Variants in RASGRF2 observed in about 807,000 individuals in gnomAD.
The protein encoded by RASGRF2 is ras-specific guanine nucleotide-releasing factor 2.
Under a neutral mutation model 151.0 loss-of-function variants are expected in RASGRF2, and 76 were observed. The ratio of observed to expected loss-of-function variants is 0.50; its 90% CI spans 0.42 to 0.61. The LOEUF is 0.61. Ranked by LOEUF, RASGRF2 falls within the 20% of genes least tolerant of loss-of-function variation. The pLI is 0.00. For missense variants in RASGRF2, 1,148 were observed against 1,564.6 expected (o/e 0.73, Z 4.49); for synonymous variants, 504 against 566.5 (o/e 0.89, Z 1.57).
chr5:81,216,027 C>T (rs1755727075), intron 24 of RASGRF2, 72 bp downstream of exon 24: 1 of 1,283,792 alleles, frequency 7.8e-7, no homozygotes, highest in Non-Finnish European at 1.0e-6. Flanking sequence ...AGTATACAAA[C>T]AGTGACCTAC....
rs193277847 is a variant in RASGRF2, at chr5:80,962,395, T to C, written c.288+1369T>C. 3.0e-3 allele frequency among the ~76,000 whole-genome samples: 464 copies of C among 152,280 alleles called. 5 individuals carry two copies. Among genetic ancestry groups the C allele is most frequent in the African/African-American group, 9.8e-3 (409 of 41,566 alleles). On this transcript the variant is annotated intron_variant, in intron 1 of 26. Coordinates refer to ENST00000265080, the MANE Select transcript of RASGRF2 (RefSeq NM_006909.3). ...AGAAGAGTTTTGAGGAAACATTTTTTTTCAGGAATATATATAAGTAACATT... is the reference window on the plus strand; with the variant it reads ...AGAAGAGTTTTGAGGAAACATTTTTCTTCAGGAATATATATAAGTAACATT...
intron 1 of RASGRF2, among the ~76,000 whole-genome samples, chr5:80,978,104 TTATATTAAA>T (rs1424256932): frequency 1.3e-5 from 2 of 152,148 alleles, no homozygotes; most frequent in Non-Finnish European, 2.9e-5. Context: ...ACTGTGATAA[TTATATTAAA>T]TATATTAAAG....
chr5:81,019,023 C>G (rs1369734397), intron 1 of RASGRF2, among the ~76,000 whole-genome samples: 1 of 152,170 alleles, frequency 6.6e-6, no homozygotes, highest in Non-Finnish European at 1.5e-5. Flanking sequence ...TGGTCTCAAA[C>G]TCCTGACCTG....
intron 17 of RASGRF2, among the ~76,000 whole-genome samples, chr5:81,157,094 G>A (rs1009890383): frequency 2.0e-5 from 3 of 151,956 alleles, no homozygotes; most frequent in Non-Finnish European, 4.4e-5. Context: ...GGCTGGGCGC[G>A]GTGGCTCACA....
intron 17 of RASGRF2, among the ~76,000 whole-genome samples, chr5:81,175,353 A>T (rs780038352): frequency 6.6e-6 from 1 of 152,230 alleles, no homozygotes; most frequent in African/African-American, 2.4e-5. Flanking sequence ...AATCTTAATG[A>T]TCTTTCCATA....
rs182113671 is a variant in RASGRF2 at position 81,136,139 on chromosome 5, G to A, written c.2686+8976G>A. 1.7e-3 allele frequency among the ~76,000 whole-genome samples: 258 copies of A among 152,188 alleles called. 2 individuals are homozygous for A. The highest frequency in any genetic ancestry group is 2.7e-3 in the Non-Finnish European group (183 of 67,988). On this transcript the variant is annotated intron_variant, in intron 17 of 26. Coordinates refer to ENST00000265080, the MANE Select transcript of RASGRF2 (RefSeq NM_006909.3). Reference sequence around the variant, plus strand: ...GCAATTCTGCCTGCCTCAGCCTCCCGACTATTATTACTTTAAGCAAAGTTA... The same window carrying A: ...GCAATTCTGCCTGCCTCAGCCTCCCAACTATTATTACTTTAAGCAAAGTTA...
intron 1 of RASGRF2, among the ~76,000 whole-genome samples, chr5:81,025,641 G>C (rs1252356297): frequency 1.3e-5 from 2 of 152,144 alleles, no homozygotes; most frequent in African/African-American, 4.8e-5. Flanking sequence ...CTTGACACAT[G>C]GCCATTGGTT....
Position 81,228,137 on chromosome 5 carries a change from C to A in RASGRF2, c.*2367C>A. 6.6e-6 allele frequency: 1 copy of A among 152,450 alleles called. No homozygotes were observed. The highest frequency in any genetic ancestry group is 2.1e-4 in the South Asian group (1 of 4,822). 9.4% of individuals were successfully genotyped at this position (152,450 alleles called of 1,614,324 possible). Reference sequence around the variant, plus strand: ...GTCTCACCATGTTGCCCAGGCTGGTCTCGAACTCCTGGACTCAAGCAATCT... The same window carrying A: ...GTCTCACCATGTTGCCCAGGCTGGTATCGAACTCCTGGACTCAAGCAATCT... On this transcript the variant is annotated 3_prime_UTR_variant, in exon 27 of 27. Transcript: ENST00000265080.
In RASGRF2 at chr5:81,063,620, GA is replaced by G. The variant is rs1200984303; in HGVS notation, c.396-4411del. On this transcript the variant is annotated intron_variant, in intron 2 of 26. Coordinates refer to ENST00000265080, the MANE Select transcript of RASGRF2 (RefSeq NM_006909.3). Reference sequence around the variant, plus strand: ...TGGAACTCCCACAAGACAGATATTAGACTTCTTGGATCTATACTCTAGGTTA... The same window carrying G: ...TGGAACTCCCACAAGACAGATATTAGCTTCTTGGATCTATACTCTAGGTTA... Among the ~76,000 whole-genome samples the G allele has an allele frequency of 3.9e-5, 6 of 151,930 alleles. No homozygotes were observed. The East Asian group carries it at 1.2e-3, about 29-fold the overall frequency.
At chr5:81,206,615 C>T (rs377119148) in intron 19 of RASGRF2, among the ~76,000 whole-genome samples, 1 of 152,186 alleles carries the variant, frequency 6.6e-6, no homozygotes. Context: ...TTGTATGTAA[C>T]AGGTTGCCTT....
chr5:81,160,554 C>G (rs906023528), intron 17 of RASGRF2, among the ~76,000 whole-genome samples: 2 of 152,022 alleles, frequency 1.3e-5, no homozygotes, highest in Non-Finnish European at 2.9e-5. Context: ...CGCCTGTAAT[C>G]CCAGCTACTC....
intron 19 of RASGRF2, among the ~76,000 whole-genome samples, chr5:81,202,133 TG>T (rs1450209296): frequency 2.6e-5 from 4 of 152,134 alleles, no homozygotes; most frequent in African/African-American, 9.7e-5. Context: ...ATTTTTTTTT[TG>T]TCCACTCTAT....
chr5:81,190,575 G>C (rs979063850), intron 18 of RASGRF2, among the ~76,000 whole-genome samples: 18 of 152,166 alleles, frequency 1.2e-4, no homozygotes, highest in African/African-American at 4.3e-4. Context: ...TATCTGATAA[G>C]TATGGATTTT....
In RASGRF2 at chr5:81,100,857, G is replaced by A. The variant is rs78399137; in HGVS notation, c.1755+5865G>A. On this transcript the variant is annotated intron_variant, in intron 12 of 26. Coordinates refer to ENST00000265080, the MANE Select transcript of RASGRF2 (RefSeq NM_006909.3). ...CATAAAAAGGTGAATTAAAAAAATT[G>A]ACTCTAACCTTTCTTCCCAGTACTT... Among the ~76,000 whole-genome samples, 1,101 of 152,296 alleles carry A rather than the reference G, an allele frequency of 7.2e-3. 14 individuals carry two copies. Among genetic ancestry groups the A allele is most frequent in the African/African-American group, 0.025 (1,059 of 41,540 alleles).
chr5:81,215,311 C>T (rs931082362), intron 23 of RASGRF2, among the ~76,000 whole-genome samples: 2 of 143,754 alleles, frequency 1.4e-5, no homozygotes, highest in African/African-American at 5.3e-5. Context: ...CGCTCTGTTG[C>T]CCAGGCTGGC....
intron 1 of RASGRF2, among the ~76,000 whole-genome samples, chr5:80,982,890 G>A (rs116163741): frequency 5.2e-4 from 79 of 152,164 alleles, no homozygotes; most frequent in Non-Finnish European, 1.0e-3. Context: ...GTGAGCCACC[G>A]CGCCCAGCCA....
At chr5:80,981,700 G>A (rs1282498702) in intron 1 of RASGRF2, among the ~76,000 whole-genome samples, 1 of 151,996 alleles carries the variant, frequency 6.6e-6, no homozygotes, top group Non-Finnish European at 1.5e-5. Flanking sequence ...TCAGTAGCTG[G>A]GATTACAGGC....
At chr5:80,961,498 A>G (rs1206847039) in intron 1 of RASGRF2, among the ~76,000 whole-genome samples, 1 of 152,194 alleles carries the variant, frequency 6.6e-6, no homozygotes, top group Admixed American at 6.5e-5. Flanking sequence ...TGGGCTGGGA[A>G]CAAGCGGGGC....
chr5:81,076,752 GA>G (rs1751950907), intron 5 of RASGRF2, among the ~76,000 whole-genome samples: 1 of 152,254 alleles, frequency 6.6e-6, no homozygotes. Context: ...AAGAGAGAAA[GA>G]GGTGTGGAAT....
Sources: allele counts gnomAD v4.1 joint callset (sites outside exome capture counted in the v4.1 genomes callset), GRCh38; gene constraint gnomAD v4.1.1; transcripts MANE v1.5; gene names NCBI Gene and HGNC (gene_info 2026-07-23, HGNC 2026-07-21).